Variants in CEP128 observed in about 807,000 individuals in gnomAD.
CEP128 encodes the protein centrosomal protein 128, also known as centrosomal protein 128kDa.
A neutral mutation model predicts 156.7 loss-of-function variants in CEP128; 132 were observed. The ratio of observed to expected loss-of-function variants is 0.84; its 90% CI spans 0.73 to 0.97. The LOEUF is 0.97. CEP128 is among the 50% of genes least tolerant of loss of function. CEP128 has a pLI of 0.00. For synonymous variants in CEP128, 469 were observed against 448.9 expected, an observed-to-expected ratio of 1.04 and a Z score of -0.57; for missense variants, 1,252 against 1,281.9, an observed-to-expected ratio of 0.98 and a Z score of 0.36.
At chr14:80,669,604 C>A (rs1367644320) in intron 19 of CEP128, among the ~76,000 whole-genome samples, 1 of 152,082 alleles carries the variant, frequency 6.6e-6, no homozygotes, top group Non-Finnish European at 1.5e-5. Flanking sequence ...CAAATTAAAA[C>A]CACAATAACA....
chr14:80,530,988 C>T (rs1365836424), intron 21 of CEP128, 102 bp from the exon 22 acceptor site: 5 of 565,506 alleles, frequency 8.8e-6, no homozygotes, highest in Admixed American at 6.4e-5. Flanking sequence ...AGAAGCAGTT[C>T]AAACTGTAGA....
chr14:80,653,606 G>A (rs2140862161), intron 19 of CEP128, among the ~76,000 whole-genome samples: 1 of 152,230 alleles, frequency 6.6e-6, no homozygotes, highest in East Asian at 1.9e-4. Flanking sequence ...GAGTTTTAAA[G>A]GACAGGCTAT....
chr14:80,851,062 A>G (rs1886865442), intron 9 of CEP128, among the ~76,000 whole-genome samples: 1 of 152,166 alleles, frequency 6.6e-6, no homozygotes, highest in Non-Finnish European at 1.5e-5. Flanking sequence ...CACAAGGTAT[A>G]AAAATCTTGG....
intron 19 of CEP128, among the ~76,000 whole-genome samples, chr14:80,689,870 C>T (rs1007893686): frequency 6.6e-6 from 1 of 151,792 alleles, no homozygotes; most frequent in Non-Finnish European, 1.5e-5. Context: ...AATAGATTAT[C>T]GATTAATTTT....
intron 13 of CEP128, among the ~76,000 whole-genome samples, chr14:80,797,900 A>G (rs1883586359): frequency 6.6e-6 from 1 of 152,180 alleles, no homozygotes; most frequent in Non-Finnish European, 1.5e-5. Context: ...TTCCATTATA[A>G]TGATTTTCAG....
chr14:80,623,251 T>C lies in CEP128; in HGVS notation c.2807-42828A>G, dbSNP rs969817699. 8.7e-5 allele frequency among the ~76,000 whole-genome samples: 13 copies of C among 149,458 alleles called. No homozygotes were observed. The South Asian group carries it at 1.3e-3, about 15-fold the overall frequency. On this transcript the variant is annotated intron_variant, in intron 19 of 24. Coordinates refer to ENST00000555265, the MANE Select transcript of CEP128 (RefSeq NM_152446.5). ...GCATGTTCTCACTCATAGGTGGGAA[T>C]TGAACAATGAGAACACATGGACACA...
chr14:80,607,032 A>G (rs1892809942), intron 19 of CEP128, among the ~76,000 whole-genome samples: 1 of 151,494 alleles, frequency 6.6e-6, no homozygotes, highest in Non-Finnish European at 1.5e-5. Context: ...TAACATATAT[A>G]CGATACACAC....
intron 4 of CEP128, 130 bp from the exon 5 acceptor site, chr14:80,906,211 T>C (rs1373011444): frequency 3.3e-6 from 2 of 603,580 alleles, no homozygotes; most frequent in Non-Finnish European, 5.4e-6. Flanking sequence ...TCAGAAAATT[T>C]TAAACTAAGT....
intron 19 of CEP128, among the ~76,000 whole-genome samples, chr14:80,679,064 C>T (rs1045600851): frequency 1.8e-4 from 28 of 152,060 alleles, no homozygotes; most frequent in Non-Finnish European, 3.7e-4. Flanking sequence ...TTTCTTACAC[C>T]TGCCTTATTT....
At chr14:80,742,800 G>T (rs942370897) in intron 19 of CEP128, 2 of 367,714 alleles carry the variant, frequency 5.4e-6, no homozygotes, top group Admixed American at 8.8e-5. Flanking sequence ...GTAAACATCA[G>T]CATTTTACTA....
intron 14 of CEP128, among the ~76,000 whole-genome samples, chr14:80,485,324 T>A (rs1887138340): frequency 6.6e-6 from 1 of 152,036 alleles, no homozygotes; most frequent in Non-Finnish European, 1.5e-5. Context: ...AATGGGAGGG[T>A]CTTGGCTCTC....
At chr14:80,925,562 C>A (rs1256924817) in intron 2 of CEP128, among the ~76,000 whole-genome samples, 1 of 151,924 alleles carries the variant, frequency 6.6e-6, no homozygotes, top group Non-Finnish European at 1.5e-5. Context: ...TAAACTTTGT[C>A]ATAGAAAGTG....
chr14:80,597,939 T>C (rs1396443677), intron 19 of CEP128, among the ~76,000 whole-genome samples: 1 of 120,990 alleles, frequency 8.3e-6, no homozygotes, highest in Non-Finnish European at 1.7e-5. Context: ...TAGAAGGGAA[T>C]TCCTCAGCTA....
intron 19 of CEP128, among the ~76,000 whole-genome samples, chr14:80,683,863 G>A (rs1896420512): frequency 6.6e-6 from 1 of 151,974 alleles, no homozygotes; most frequent in Non-Finnish European, 1.5e-5. Context: ...GCTCCTGAAT[G>A]ACTTTTGGGT....
rs1219029366 is a variant in CEP128, at chr14:80,874,560, CA to C, written c.646-11688del. On this transcript the variant is annotated intron_variant, in intron 8 of 24. Coordinates refer to ENST00000555265, the MANE Select transcript of CEP128 (RefSeq NM_152446.5). ...AAAGGAGTTTCACTTCCAGAAATAACAGACTAGATAATTCAGTTGAAAGTAA... is the reference window on the plus strand; with the variant it reads ...AAAGGAGTTTCACTTCCAGAAATAACGACTAGATAATTCAGTTGAAAGTAA... Among the ~76,000 whole-genome samples, 4 of 152,094 alleles carry C rather than the reference CA, an allele frequency of 2.6e-5. 1 individual carries two copies. The highest frequency in any genetic ancestry group is 2.6e-4 in the Admixed American group (4 of 15,294).
chr14:80,779,990 G>A (rs1459981584), intron 15 of CEP128, among the ~76,000 whole-genome samples: 1 of 152,078 alleles, frequency 6.6e-6, no homozygotes, highest in African/African-American at 2.4e-5. Context: ...TCCAAAAAAA[G>A]GCTCTACAAA....
intron 13 of CEP128, among the ~76,000 whole-genome samples, chr14:80,816,300 AT>A (rs1884853566): frequency 6.6e-6 from 1 of 152,100 alleles, no homozygotes; most frequent in Admixed American, 6.6e-5. Context: ...AGGGCTACAG[AT>A]TCACCCACAG....
downstream of CEP128, among the ~76,000 whole-genome samples, chr14:80,492,487 G>A (rs913034624): frequency 3.3e-5 from 5 of 152,166 alleles, no homozygotes; most frequent in Non-Finnish European, 7.4e-5. Context: ...AGGACAGAAA[G>A]TTGCTTCTAA....
intron 15 of CEP128, 38 bp downstream of exon 15, chr14:80,784,857 A>G (rs768203625): frequency 2.0e-6 from 3 of 1,514,540 alleles, no homozygotes; most frequent in Non-Finnish European, 2.7e-6. Flanking sequence ...CACCAGAAAA[A>G]TTCCTTCAGT....
Sources: gnomAD v4.1 joint callset for allele counts (sites outside exome capture counted in the v4.1 genomes callset) on GRCh38, gnomAD v4.1.1 for gene constraint, MANE v1.5 for transcripts, NCBI Gene and HGNC (gene_info 2026-07-23, HGNC 2026-07-21) for gene names.